LOXL2: variants seen among roughly 807,000 people sequenced by gnomAD.
The protein encoded by LOXL2 is lysyl oxidase like 2, also known as lysyl oxidase homolog 2.
In LOXL2, 70 loss-of-function variants were observed where a neutral mutation model predicts 93.0. The observed-to-expected ratio is 0.75, with a 90% confidence interval of 0.62 to 0.92. LOXL2 has a LOEUF of 0.92. Among genes scored for constraint, LOXL2 ranks in the 40% least tolerant of loss-of-function variants. The pLI is 0.00. For synonymous variants in LOXL2, 438 were observed against 413.2 expected (o/e 1.06, Z -0.73); for missense variants, 973 against 1,054.9 (o/e 0.92, Z 1.08).
chr8:23,303,528 T>A, intron 10 of LOXL2, 131 bp from the exon 11 acceptor site: 1 of 630,186 alleles, frequency 1.6e-6, no homozygotes, highest in East Asian at 2.8e-5. Flanking sequence ...GGGAGAGGAG[T>A]GGATGAGAGG....
In LOXL2 at chr8:23,375,078, G is replaced by C. The variant is rs189163406; in HGVS notation, c.-83-6644C>G. ...TTCTTCTAGGGTTTTTATGGTTTTA[G>C]GTCTAACATTTAAGTCTTTAATCCA... On this transcript the variant is annotated intron_variant, in intron 1 of 13. Transcript: ENST00000389131. Among the ~76,000 whole-genome samples the C allele has an allele frequency of 4.0e-3, 614 of 152,190 alleles. 3 individuals are homozygous for C. The highest frequency in any genetic ancestry group is 0.014 in the African/African-American group (587 of 41,518).
At chr8:23,392,896 T>C (rs1800030134) in intron 1 of LOXL2, among the ~76,000 whole-genome samples, 1 of 152,142 alleles carries the variant, frequency 6.6e-6, no homozygotes, top group African/African-American at 2.4e-5. Flanking sequence ...ATACAAAAAT[T>C]AACTGTATTT....
chr8:23,359,043 G>T (rs1322015519), intron 3 of LOXL2, among the ~76,000 whole-genome samples: 1 of 151,684 alleles, frequency 6.6e-6, no homozygotes. Flanking sequence ...TAGTAGAGAC[G>T]GGGTTTCACC....
intron 1 of LOXL2, chr8:23,370,649 C>T (rs182274196): frequency 3.3e-5 from 5 of 152,380 alleles, no homozygotes; most frequent in Admixed American, 3.3e-4. Context: ...TCACTTTTGT[C>T]TCTGCTTTCC....
At chr8:23,396,324 AAACAAAC>A (rs2117240616) in intron 1 of LOXL2, among the ~76,000 whole-genome samples, 2 of 79,000 alleles carry the variant, frequency 2.5e-5, no homozygotes, top group East Asian at 8.2e-4. Context: ...TCTCAAAAAC[AAACAAAC>A]AAACAAACAA....
chr8:23,333,799 G>A (rs1200299249), intron 4 of LOXL2, among the ~76,000 whole-genome samples, 176 bp from the exon 5 acceptor site: 1 of 152,220 alleles, frequency 6.6e-6, no homozygotes, highest in Non-Finnish European at 1.5e-5. Flanking sequence ...GCTAATGCCT[G>A]CACCACACTA....
chr8:23,317,993 A>G (rs7812774), intron 8 of LOXL2, among the ~76,000 whole-genome samples: 84,168 of 151,678 alleles, frequency 0.55, 25,706 homozygotes, highest in Non-Finnish European at 0.69. Context: ...GTGATGGTTC[A>G]TTTTACGTGT....
At chr8:23,386,874 C>T (rs999152696) in intron 1 of LOXL2, among the ~76,000 whole-genome samples, 2 of 152,168 alleles carry the variant, frequency 1.3e-5, no homozygotes, top group Non-Finnish European at 2.9e-5. Context: ...GCGGCTTTCA[C>T]AGGCACGCAA....
At chr8:23,347,320 A>G (rs955496325) in intron 3 of LOXL2, among the ~76,000 whole-genome samples, 1 of 151,776 alleles carries the variant, frequency 6.6e-6, no homozygotes, top group Non-Finnish European at 1.5e-5. Flanking sequence ...TTGCGCCACT[A>G]CACTCCAGCT....
intron 12 of LOXL2, among the ~76,000 whole-genome samples, chr8:23,299,189 C>G (rs559714797): frequency 3.3e-5 from 5 of 152,326 alleles, no homozygotes; most frequent in African/African-American, 1.2e-4. Context: ...GTAACACACA[C>G]CCCTCTACCC....
chr8:23,299,058 C>T lies in LOXL2; in HGVS notation c.2134-111G>A, dbSNP rs1803084654. ...CAGGGAAGGGGAGCGTGGCAGGTGC[C>T]GGGACCCAAGACGGGGGTCTGTGGG... On this transcript the variant is annotated intron_variant, in intron 12 of 13. Transcript: ENST00000389131. 16 of 679,198 alleles carry T rather than the reference C, an allele frequency of 2.4e-5. No homozygotes were observed. The East Asian group carries it at 2.4e-4, about 10-fold the overall frequency. 42.1% of individuals were successfully genotyped at this position (679,198 alleles called of 1,614,324 possible).
chr8:23,367,119 GCTCACT>G, intron 2 of LOXL2, among the ~76,000 whole-genome samples: 1 of 152,178 alleles, frequency 6.6e-6, no homozygotes, highest in African/African-American at 2.4e-5. Flanking sequence ...CGCGATCACG[GCTCACT>G]GCAGCCTCCG....
chr8:23,353,602 C>T (rs1265097680), intron 3 of LOXL2, among the ~76,000 whole-genome samples: 1 of 152,058 alleles, frequency 6.6e-6, no homozygotes, highest in Middle Eastern at 3.2e-3. Context: ...CAGCCTGTAT[C>T]AGAAAAGGGG....
chr8:23,396,103 G>A (rs997437924), intron 1 of LOXL2, among the ~76,000 whole-genome samples: 1 of 152,152 alleles, frequency 6.6e-6, no homozygotes, highest in Non-Finnish European at 1.5e-5. Context: ...GCAGGATCCT[G>A]AGGTCGGGAG....
chr8:23,307,054 C>T (rs1054464029), intron 10 of LOXL2, among the ~76,000 whole-genome samples: 1 of 152,226 alleles, frequency 6.6e-6, no homozygotes. Context: ...CTGGAAATGG[C>T]ATTTTTTCCC....
chr8:23,372,821 A>C (rs973501355), intron 1 of LOXL2, among the ~76,000 whole-genome samples: 2 of 152,242 alleles, frequency 1.3e-5, no homozygotes, highest in East Asian at 3.8e-4. Flanking sequence ...CACCTCTGTC[A>C]GTAACGGATA....
chr8:23,305,069 G>A (rs981011831), intron 10 of LOXL2, among the ~76,000 whole-genome samples: 2 of 152,166 alleles, frequency 1.3e-5, no homozygotes, highest in Non-Finnish European at 2.9e-5. Flanking sequence ...TTTTGTGGCC[G>A]TGGAAGTGAC....
intron 1 of LOXL2, chr8:23,370,964 C>T (rs940313338): frequency 6.6e-6 from 1 of 152,176 alleles, no homozygotes; most frequent in African/African-American, 2.4e-5. Flanking sequence ...AGACATCAAG[C>T]CCACACAGTA....
chr8:23,309,756 G>A lies in LOXL2; in HGVS notation c.1792C>T (p.Arg598Cys), dbSNP rs993296680. ...DPTTGYRRLL[R>C]FSSQIHNNGQ... ...TTGTTGTGGATCTGGGAGGAGAAGC[G>A]CAGGAGCCGGCGGTAGCCCGTGGTG... The change falls in exon 10 of 14, where the codon CGC becomes TGC. Residue 598 changes from arginine (R) to cysteine (C), a missense_variant. Coordinates refer to ENST00000389131, the MANE Select transcript of LOXL2 (RefSeq NM_002318.3). The A allele has an allele frequency of 3.1e-6, 5 of 1,601,850 alleles. No individual in the cohort carries two copies. The highest frequency in any genetic ancestry group is 1.7e-4 in the Middle Eastern group (1 of 6,020).
Sources: allele counts gnomAD v4.1 joint callset (sites outside exome capture counted in the v4.1 genomes callset), GRCh38; gene constraint gnomAD v4.1.1; transcripts MANE v1.5; gene names NCBI Gene and HGNC (gene_info 2026-07-23, HGNC 2026-07-21).